The following SMOC2 variants were observed in gnomAD, a reference collection of about 807,000 sequenced individuals.
The protein encoded by SMOC2 is SPARC related modular calcium binding 2.
In SMOC2, 39 loss-of-function variants were observed where a neutral mutation model predicts 61.4. The ratio of observed to expected loss-of-function variants is 0.64; its 90% CI spans 0.49 to 0.83. The LOEUF (loss-of-function observed/expected upper bound fraction) is 0.83. SMOC2 is among the 40% of genes least tolerant of loss of function. SMOC2 has a pLI of 0.00. For synonymous variants in SMOC2, 247 were observed against 239.9 expected (o/e 1.03, Z -0.27); for missense variants, 556 against 592.9 (o/e 0.94, Z 0.65).
chr6:168,631,898 A>G (rs1786580016), intron 9 of SMOC2, among the ~76,000 whole-genome samples: 1 of 152,134 alleles, frequency 6.6e-6, no homozygotes, highest in African/African-American at 2.4e-5. Context: ...AGCGGCTGAA[A>G]GCTCAGCCTT....
At chr6:168,649,449 G>A (rs58253023) in intron 9 of SMOC2, among the ~76,000 whole-genome samples, 3,581 of 152,298 alleles carry the variant, frequency 0.024, 147 homozygotes, top group African/African-American at 0.081. Flanking sequence ...AGAGTGCAGC[G>A]TGGCTCAGTG....
intron 12 of SMOC2, chr6:168,664,500 C>A (rs2115295615): frequency 2.5e-6 from 1 of 400,264 alleles, no homozygotes; most frequent in South Asian, 1.9e-5. Context: ...AGGCATGCGC[C>A]ACCGTACCCG....
chr6:168,519,139 ATGTGTGAGCATGCGTG>A (rs1480118976), intron 2 of SMOC2, among the ~76,000 whole-genome samples: 4 of 129,780 alleles, frequency 3.1e-5, no homozygotes, highest in Non-Finnish European at 6.6e-5. Flanking sequence ...GTATGTGTGC[ATGTGTGAGCATGCGTG>A]TGTGTATGCG....
intron 1 of SMOC2, among the ~76,000 whole-genome samples, chr6:168,500,595 C>G (rs1012076933): frequency 1.2e-4 from 19 of 152,092 alleles, no homozygotes; most frequent in African/African-American, 3.9e-4. Flanking sequence ...TGTAGGGACC[C>G]CGGGTGGCTA....
At chr6:168,509,888 G>A (rs760668399) in intron 1 of SMOC2, 27 bp from the exon 2 acceptor site, 4 of 1,578,106 alleles carry the variant, frequency 2.5e-6, no homozygotes, top group East Asian at 2.3e-5. Context: ...CTTTAAATTT[G>A]TCTGGCTTCT....
At chr6:168,469,785 G>A (rs565423346) in intron 1 of SMOC2, among the ~76,000 whole-genome samples, 1 of 152,086 alleles carries the variant, frequency 6.6e-6, no homozygotes, top group Non-Finnish European at 1.5e-5. Context: ...TTAGGAGTGC[G>A]TCCTCACCGC....
At chr6:168,657,425 T>G (rs1413316426) in intron 11 of SMOC2, among the ~76,000 whole-genome samples, 1 of 152,232 alleles carries the variant, frequency 6.6e-6, no homozygotes, top group South Asian at 2.1e-4. Flanking sequence ...AGCATACACC[T>G]GCAACCCTCC....
At chr6:168,563,384 A>G (rs1302418565) in intron 7 of SMOC2, among the ~76,000 whole-genome samples, 2 of 151,948 alleles carry the variant, frequency 1.3e-5, no homozygotes, top group Non-Finnish European at 2.9e-5. Flanking sequence ...GTGTATGTAT[A>G]TAAAGTTTAT....
intron 9 of SMOC2, among the ~76,000 whole-genome samples, chr6:168,626,952 C>T (rs955017440): frequency 3.3e-5 from 5 of 152,176 alleles, no homozygotes; most frequent in African/African-American, 1.2e-4. Flanking sequence ...ATTCTTCTAC[C>T]TGCTGTGTTT....
rs943040787 is a variant in SMOC2 at position 168,475,789 on chromosome 6, G to A, written c.85-34126G>A. Among the ~76,000 whole-genome samples, 3 of 152,114 alleles carry A rather than the reference G, an allele frequency of 2.0e-5. No homozygotes were observed. Among genetic ancestry groups the A allele is most frequent in the Admixed American group, 6.5e-5 (1 of 15,268 alleles). On this transcript the variant is annotated intron_variant, in intron 1 of 12. Coordinates refer to ENST00000356284, the MANE Select transcript of SMOC2 (RefSeq NM_001166412.2). The surrounding 1 kb of genome is among the most constrained non-coding windows in gnomAD (Gnocchi z 4.6). ...GGAATAGGCAGGAGAGGGAGACAAC[G>A]TCTCCGGAGCCAGTGGGTGGGAGCC...
At chr6:168,529,399 G>T (rs144172521) in intron 4 of SMOC2, among the ~76,000 whole-genome samples, 21 of 152,304 alleles carry the variant, frequency 1.4e-4, no homozygotes, top group Admixed American at 7.8e-4. Flanking sequence ...TGTCTGTGAG[G>T]GGGGGCAGTG....
chr6:168,479,773 A>G (rs1436392381), intron 1 of SMOC2, among the ~76,000 whole-genome samples: 1 of 152,204 alleles, frequency 6.6e-6, no homozygotes, highest in Non-Finnish European at 1.5e-5. Context: ...GGTGCAGACG[A>G]AAAGGTGGTG....
chr6:168,503,270 G>T (rs926467243), intron 1 of SMOC2, among the ~76,000 whole-genome samples: 1 of 150,992 alleles, frequency 6.6e-6, no homozygotes, highest in Non-Finnish European at 1.5e-5. Context: ...TAGAGACGGG[G>T]TTTCAGCATG....
At chr6:168,467,461 C>A in intron 1 of SMOC2, among the ~76,000 whole-genome samples, 1 of 152,114 alleles carries the variant, frequency 6.6e-6, no homozygotes, top group Non-Finnish European at 1.5e-5. Flanking sequence ...TGCACACCAC[C>A]ACACCCGGCT....
intron 2 of SMOC2, among the ~76,000 whole-genome samples, chr6:168,519,025 ATG>A (rs58442234): frequency 0.18 from 13,547 of 76,192 alleles, 827 homozygotes; most frequent in South Asian, 0.26. Flanking sequence ...GCATGCGAAC[ATG>A]TGTGTGTATG....
At chr6:168,513,704 C>T (rs1783063783) in intron 2 of SMOC2, among the ~76,000 whole-genome samples, 2 of 152,152 alleles carry the variant, frequency 1.3e-5, no homozygotes, top group Admixed American at 6.5e-5. Flanking sequence ...CCTTGAAGAG[C>T]GCTGAGGCTG....
At chr6:168,515,906 G>GCTC (rs1439173413) in intron 2 of SMOC2, among the ~76,000 whole-genome samples, 1 of 152,238 alleles carries the variant, frequency 6.6e-6, no homozygotes, top group African/African-American at 2.4e-5. Context: ...AGGTAAAAGA[G>GCTC]GGAGCACAGG....
chr6:168,476,662 A>G (rs559733409), intron 1 of SMOC2, among the ~76,000 whole-genome samples: 10 of 152,198 alleles, frequency 6.6e-5, no homozygotes, highest in African/African-American at 2.2e-4. Flanking sequence ...ATACATATAT[A>G]TTTATAATAA....
intron 2 of SMOC2, among the ~76,000 whole-genome samples, chr6:168,512,897 CA>C (rs1286616246): frequency 2.9e-4 from 44 of 152,236 alleles, no homozygotes; most frequent in African/African-American, 9.9e-4. Context: ...AACTTTAGCC[CA>C]AATAGAAAAC....
Sources: allele counts gnomAD v4.1 joint callset (sites outside exome capture counted in the v4.1 genomes callset), GRCh38; gene constraint gnomAD v4.1.1; non-coding constraint Gnocchi (gnomAD v3.1); transcripts MANE v1.5; gene names NCBI Gene and HGNC (gene_info 2026-07-23, HGNC 2026-07-21).